TMEM132C: variants seen among roughly 807,000 people sequenced by gnomAD.
TMEM132C encodes protein phosphatase 1, regulatory subunit 152.
TMEM132C carries 29 observed loss-of-function variants against 61.4 expected under a neutral mutation model. That is an observed-to-expected ratio of 0.47 (90% CI 0.35 to 0.64). The LOEUF (loss-of-function observed/expected upper bound fraction) is 0.64. Ranked by LOEUF, TMEM132C falls within the 30% of genes least tolerant of loss-of-function variation. The pLI is 0.00. For synonymous variants in TMEM132C, 656 were observed against 633.1 expected (o/e 1.04, Z -0.54); for missense variants, 1,408 against 1,476.9 (o/e 0.95, Z 0.76).
At chr12:128,340,637 A>T (rs1400704532) in intron 1 of TMEM132C, among the ~76,000 whole-genome samples, 1 of 152,106 alleles carries the variant, frequency 6.6e-6, no homozygotes, top group Non-Finnish European at 1.5e-5. Context: ...GACAAGATGA[A>T]ATGTACACCA....
intron 4 of TMEM132C, among the ~76,000 whole-genome samples, chr12:128,644,027 C>A (rs1440903956): frequency 6.6e-6 from 1 of 152,138 alleles, no homozygotes; most frequent in African/African-American, 2.4e-5. Flanking sequence ...CATGGGGGAA[C>A]TGCAAATTAA....
At chr12:128,366,340 G>A (rs961664644) in intron 1 of TMEM132C, among the ~76,000 whole-genome samples, 11 of 152,196 alleles carry the variant, frequency 7.2e-5, no homozygotes, top group Admixed American at 3.3e-4. Flanking sequence ...TCCCCCCAGC[G>A]TGGACAACTG....
In TMEM132C at chr12:128,706,546, C is replaced by G. The variant is rs1954842460; in HGVS notation, c.*251C>G. ...GGGGAGTGCAGACCAAGTTACTGAA[C>G]TGCACAGGCAAAATTAGGAAGGTTA... On this transcript the variant is annotated 3_prime_UTR_variant, in exon 9 of 9. Transcript: ENST00000435159. 2.5e-6 allele frequency: 1 copy of G among 405,312 alleles called. No homozygotes were observed. Among genetic ancestry groups the G allele is most frequent in the Non-Finnish European group, 4.3e-6 (1 of 231,984 alleles). The allele number at this position is 405,312 out of a possible 1,614,324, so 25.1% of individuals were successfully genotyped here. A position where few individuals can be genotyped will look rare whatever the true frequency, so the allele number is the denominator to read the frequency against.
intron 2 of TMEM132C, among the ~76,000 whole-genome samples, chr12:128,526,518 C>T (rs1873091576): frequency 6.6e-6 from 1 of 152,340 alleles, no homozygotes; most frequent in South Asian, 2.1e-4. Flanking sequence ...AGGATTTCAA[C>T]ACATGAGTTG....
chr12:128,383,736 A>G (rs1874490723), intron 1 of TMEM132C, among the ~76,000 whole-genome samples: 2 of 152,130 alleles, frequency 1.3e-5, no homozygotes, highest in South Asian at 2.1e-4. Context: ...TCCCATAAAG[A>G]CACCATTAAT....
intron 2 of TMEM132C, among the ~76,000 whole-genome samples, chr12:128,533,478 A>T (rs781090179): frequency 2.8e-4 from 43 of 152,198 alleles, no homozygotes; most frequent in Non-Finnish European, 5.0e-4. Context: ...GGAAGCTGGA[A>T]GTTAAAGATC....
chr12:128,562,478 G>A (rs766044593), intron 3 of TMEM132C, among the ~76,000 whole-genome samples: 1 of 152,036 alleles, frequency 6.6e-6, no homozygotes, highest in Non-Finnish European at 1.5e-5. Flanking sequence ...ATTATTCCCT[G>A]CTTGTTCCAT....
chr12:128,416,905 G>A (rs997790646), intron 2 of TMEM132C, among the ~76,000 whole-genome samples: 1 of 152,148 alleles, frequency 6.6e-6, no homozygotes, highest in African/African-American at 2.4e-5. Context: ...ATCTTTTTAT[G>A]AGATTTACTG....
chr12:128,294,276 G>C (rs963512334), intron 1 of TMEM132C: 1 of 153,070 alleles, frequency 6.5e-6, no homozygotes, highest in African/African-American at 2.4e-5. Flanking sequence ...CCAGACACGC[G>C]TCTCACTTTT....
At chr12:128,597,480 GGAAGGAAGGAAGGAAA>G (rs1404291791) in intron 3 of TMEM132C, among the ~76,000 whole-genome samples, 2 of 83,348 alleles carry the variant, frequency 2.4e-5, no homozygotes, top group African/African-American at 8.0e-5. Flanking sequence ...GAGAGAGGAA[GGAAGGAAGGAAGGAAA>G]GAAGGAAGGA....
chr12:128,609,295 C>T (rs570071722), intron 3 of TMEM132C, among the ~76,000 whole-genome samples: 6 of 147,602 alleles, frequency 4.1e-5, no homozygotes, highest in East Asian at 4.0e-4. Context: ...CTGTAGCCCC[C>T]GCCTCCCTGC....
At chr12:128,449,036 C>T (rs1331059348) in intron 2 of TMEM132C, among the ~76,000 whole-genome samples, 1 of 146,638 alleles carries the variant, frequency 6.8e-6, no homozygotes, top group Non-Finnish European at 1.5e-5. Context: ...ACTCGGGAGG[C>T]TGAGACAGGA....
intron 3 of TMEM132C, among the ~76,000 whole-genome samples, chr12:128,549,681 C>G (rs1425440884): frequency 1.3e-5 from 2 of 152,108 alleles, no homozygotes; most frequent in African/African-American, 4.8e-5. Context: ...TCGTGCTCAG[C>G]ATAGGATGAA....
At chr12:128,422,749 A>G (rs1025484774) in intron 2 of TMEM132C, among the ~76,000 whole-genome samples, 8 of 152,202 alleles carry the variant, frequency 5.3e-5, no homozygotes, top group African/African-American at 1.9e-4. Flanking sequence ...GGTGCATTGT[A>G]AAATATGGAG....
intron 4 of TMEM132C, among the ~76,000 whole-genome samples, chr12:128,631,365 G>C (rs908127893): frequency 2.0e-5 from 3 of 152,256 alleles, no homozygotes; most frequent in Admixed American, 2.0e-4. Context: ...CTGTGGTGAT[G>C]GAGTTGACTC....
chr12:128,295,773 TA>T (rs369608460), intron 1 of TMEM132C, among the ~76,000 whole-genome samples: 3,206 of 146,540 alleles, frequency 0.022, 103 homozygotes, highest in African/African-American at 0.073. Flanking sequence ...AAGCACCAAT[TA>T]AAAAAAAAAA....
At chr12:128,371,544 T>G (rs1338881696) in intron 1 of TMEM132C, among the ~76,000 whole-genome samples, 1 of 152,150 alleles carries the variant, frequency 6.6e-6, no homozygotes, top group African/African-American at 2.4e-5. Flanking sequence ...TTTTTGTTGT[T>G]GTTGTTATTT....
intron 3 of TMEM132C, among the ~76,000 whole-genome samples, chr12:128,549,919 A>C (rs1259471195): frequency 6.6e-6 from 1 of 152,144 alleles, no homozygotes; most frequent in Non-Finnish European, 1.5e-5. Flanking sequence ...GTGGAATTCA[A>C]ACCTGGGAGG....
chr12:128,319,448 G>A (rs1872256572), intron 1 of TMEM132C, among the ~76,000 whole-genome samples: 1 of 152,062 alleles, frequency 6.6e-6, no homozygotes, highest in African/African-American at 2.4e-5. Context: ...GACTGAGGGA[G>A]TACAGGACCC....
Sources: allele counts gnomAD v4.1 joint callset (sites outside exome capture counted in the v4.1 genomes callset), GRCh38; gene constraint gnomAD v4.1.1; transcripts MANE v1.5; gene names NCBI Gene and HGNC (gene_info 2026-07-23, HGNC 2026-07-21).